NRG3: variants seen among roughly 807,000 people sequenced by gnomAD.
NRG3 encodes the protein neuregulin 3.
NRG3 carries 31 observed loss-of-function variants against 66.9 expected under a neutral mutation model. That is an observed-to-expected ratio of 0.46 (90% CI 0.35 to 0.63). NRG3 has a LOEUF of 0.63. Among genes scored for constraint, NRG3 ranks in the 20% least tolerant of loss-of-function variants. The pLI is 0.00. For synonymous variants in NRG3, 393 were observed against 359.4 expected (o/e 1.09, Z -1.06); for missense variants, 910 against 878.9 (o/e 1.04, Z -0.45).
chr10:82,820,635 G>A (rs146473772), intron 3 of NRG3, among the ~76,000 whole-genome samples: 1,600 of 152,160 alleles, frequency 0.011, 12 homozygotes, highest in Non-Finnish European at 0.017. Context: ...TAAAACTTCC[G>A]AATTATATTA....
Position 82,376,168 on chromosome 10 carries a change from G to T in NRG3, c.953+17300G>T, listed in dbSNP as rs553301299. 1.3e-3 allele frequency among the ~76,000 whole-genome samples: 198 copies of T among 152,230 alleles called. 1 individual carries two copies. Among genetic ancestry groups the T allele is most frequent in the African/African-American group, 3.6e-3 (148 of 41,546 alleles). Reference sequence around the variant, plus strand: ...GTTCCAGGGGTGTCGCTGAACGTGCGTCTGGCCTTATCTAGCAAGGCTTTA... The same window carrying T: ...GTTCCAGGGGTGTCGCTGAACGTGCTTCTGGCCTTATCTAGCAAGGCTTTA... On this transcript the variant is annotated intron_variant, in intron 2 of 8. Coordinates refer to ENST00000372141, the MANE Select transcript of NRG3 (RefSeq NM_001010848.4).
At chr10:82,398,241 A>G (rs908583705) in intron 2 of NRG3, among the ~76,000 whole-genome samples, 1 of 152,124 alleles carries the variant, frequency 6.6e-6, no homozygotes, top group Non-Finnish European at 1.5e-5. Flanking sequence ...GGGGAGAGAA[A>G]CCAAATAGGA....
At chr10:82,229,295 G>T (rs2076331137) in intron 1 of NRG3, 1 of 152,128 alleles carries the variant, frequency 6.6e-6, no homozygotes, top group African/African-American at 2.4e-5. Context: ...TTGTCATGGA[G>T]AAAATGAAAT....
intron 2 of NRG3, among the ~76,000 whole-genome samples, chr10:82,577,621 T>C (rs1292354402): frequency 2.0e-5 from 3 of 151,708 alleles, no homozygotes; most frequent in Non-Finnish European, 4.4e-5. Context: ...TGCACTAGCT[T>C]AAAAAAATCT....
intron 5 of NRG3, among the ~76,000 whole-genome samples, chr10:82,952,623 T>G (rs1028546527): frequency 5.9e-5 from 9 of 151,626 alleles, no homozygotes; most frequent in Non-Finnish European, 1.0e-4. Context: ...GTTTCTCATG[T>G]CTTAAGAATT....
intron 2 of NRG3, among the ~76,000 whole-genome samples, chr10:82,437,687 C>A (rs2090215706): frequency 1.3e-5 from 2 of 152,028 alleles, no homozygotes; most frequent in African/African-American, 2.4e-5. Flanking sequence ...TACTTTTGGT[C>A]TTTGAGGTTG....
At chr10:82,411,340 A>G (rs938195270) in intron 2 of NRG3, among the ~76,000 whole-genome samples, 5 of 152,162 alleles carry the variant, frequency 3.3e-5, no homozygotes. Context: ...ATTTTACCAA[A>G]TGACGTTTGT....
chr10:81,912,743 T>G (rs1319662639), intron 1 of NRG3, among the ~76,000 whole-genome samples: 2 of 152,162 alleles, frequency 1.3e-5, no homozygotes. Flanking sequence ...GGGATCCCAG[T>G]TGACAAGGCC....
At chr10:82,653,730 C>G (rs1392747450) in intron 2 of NRG3, among the ~76,000 whole-genome samples, 1 of 151,500 alleles carries the variant, frequency 6.6e-6, no homozygotes, top group Non-Finnish European at 1.5e-5. Context: ...AGGGGGAAAG[C>G]AGCAGAGGAA....
At position 82,979,125 on chromosome 10, in the gene NRG3, G is replaced by A; in HGVS notation, c.1583+5G>A. On this transcript the variant is annotated splice_donor_5th_base_variant and intron_variant, in intron 8 of 8. Transcript: ENST00000372141. ...GGATACGATACCTTGCCAAGGGTAG[G>A]TCTTAAAACAGCAGTGGAATTTAGG... 2 of 1,613,732 alleles carry A rather than the reference G, an allele frequency of 1.2e-6. No homozygotes were observed. The highest frequency in any genetic ancestry group is 1.7e-6 in the Non-Finnish European group (2 of 1,179,758).
intron 1 of NRG3, among the ~76,000 whole-genome samples, chr10:82,039,396 G>A (rs1366057738): frequency 6.6e-6 from 1 of 152,084 alleles, no homozygotes; most frequent in East Asian, 1.9e-4. Context: ...CCAAATGGGA[G>A]CCAAATAATT....
intron 1 of NRG3, among the ~76,000 whole-genome samples, chr10:82,049,244 G>A (rs551653527): frequency 6.6e-6 from 1 of 152,140 alleles, no homozygotes; most frequent in South Asian, 2.1e-4. Context: ...TGCAAAGATT[G>A]CTGCCTTATT....
intron 1 of NRG3, among the ~76,000 whole-genome samples, chr10:82,130,351 A>G (rs2132485527): frequency 6.6e-6 from 1 of 152,068 alleles, no homozygotes; most frequent in Non-Finnish European, 1.5e-5. Flanking sequence ...TACATTAGGT[A>G]TATTTCCTAA....
chr10:82,701,874 C>A (rs2246165), intron 2 of NRG3, among the ~76,000 whole-genome samples: 134,512 of 152,194 alleles, frequency 0.88, 59,727 homozygotes, highest in East Asian at 1. Context: ...CTTCCTCATT[C>A]TTCTTACCAT....
At chr10:82,577,453 G>A (rs1258720605) in intron 2 of NRG3, among the ~76,000 whole-genome samples, 1 of 151,754 alleles carries the variant, frequency 6.6e-6, no homozygotes, top group Non-Finnish European at 1.5e-5. Context: ...AAATTACACA[G>A]TCATATATAT....
intron 1 of NRG3, among the ~76,000 whole-genome samples, chr10:82,259,631 C>T (rs867915803): frequency 2.6e-5 from 4 of 152,134 alleles, no homozygotes; most frequent in Admixed American, 1.3e-4. Flanking sequence ...CTGACCACTC[C>T]GTAACAATGA....
At chr10:82,629,430 A>G (rs2049656935) in intron 2 of NRG3, among the ~76,000 whole-genome samples, 1 of 152,236 alleles carries the variant, frequency 6.6e-6, no homozygotes, top group Non-Finnish European at 1.5e-5. Flanking sequence ...GAATTGCACA[A>G]TCCTTGAACA....
chr10:82,216,031 G>A (rs572164568), intron 1 of NRG3, among the ~76,000 whole-genome samples: 2 of 143,416 alleles, frequency 1.4e-5, no homozygotes, highest in South Asian at 2.2e-4. Context: ...GCAATGGCGC[G>A]ATCTCGGCTC....
intron 1 of NRG3, among the ~76,000 whole-genome samples, chr10:81,895,645 G>C (rs1220475264): frequency 6.6e-6 from 1 of 152,162 alleles, no homozygotes; most frequent in Non-Finnish European, 1.5e-5. Flanking sequence ...GTCCACGTGT[G>C]CATGTCCATG....
Sources: allele counts gnomAD v4.1 joint callset (sites outside exome capture counted in the v4.1 genomes callset), GRCh38; gene constraint gnomAD v4.1.1; transcripts MANE v1.5; gene names NCBI Gene and HGNC (gene_info 2026-07-23, HGNC 2026-07-21).